Variants in SCFD1 observed in about 807,000 individuals in gnomAD.
SCFD1 encodes the protein sec1 family domain containing 1.
A neutral mutation model predicts 103.2 loss-of-function variants in SCFD1; 37 were observed. That is an observed-to-expected ratio of 0.36 (90% CI 0.28 to 0.47). The LOEUF is 0.47. SCFD1 is among the 20% of genes least tolerant of loss of function. The pLI, the probability that SCFD1 is intolerant of heterozygous loss-of-function variation, is 1.00. For missense variants in SCFD1, 639 were observed against 761.2 expected (o/e 0.84, Z 1.89); for synonymous variants, 264 against 245.0 (o/e 1.08, Z -0.73).
intron 1 of SCFD1, among the ~76,000 whole-genome samples, chr14:30,623,431 G>A (rs760020448): frequency 6.6e-6 from 1 of 152,176 alleles, no homozygotes; most frequent in East Asian, 1.9e-4. Context: ...ATACTGAGTT[G>A]CGTTCTGCTT....
chr14:30,706,904 G>A (rs1201551662), intron 18 of SCFD1, among the ~76,000 whole-genome samples: 2 of 152,170 alleles, frequency 1.3e-5, no homozygotes, highest in Non-Finnish European at 2.9e-5. Context: ...CTCACCTTCA[G>A]ACAGTGCTGC....
intron 15 of SCFD1, among the ~76,000 whole-genome samples, chr14:30,695,922 TTAATG>T (rs1215930637): frequency 2.6e-5 from 4 of 152,006 alleles, no homozygotes; most frequent in African/African-American, 7.2e-5. Flanking sequence ...AAAAAAAAAT[TTAATG>T]TAATCCAATT....
At chr14:30,628,071 C>A in intron 1 of SCFD1, 138 bp from the exon 2 acceptor site, 1 of 585,718 alleles carries the variant, frequency 1.7e-6, no homozygotes, top group Non-Finnish European at 3.0e-6. Flanking sequence ...ACCCCTAGTT[C>A]TACACATATA....
chr14:30,643,829 T>A, intron 7 of SCFD1: 1 of 415,266 alleles, frequency 2.4e-6, no homozygotes, highest in South Asian at 1.9e-5. Flanking sequence ...AATCTACCTA[T>A]ACCTTCAAAT....
intron 23 of SCFD1, among the ~76,000 whole-genome samples, chr14:30,731,166 T>G (rs1566671052): frequency 2.0e-5 from 3 of 152,162 alleles, no homozygotes; most frequent in Admixed American, 1.3e-4. Flanking sequence ...GTTGTAGATG[T>G]GTGGTATTAT....
At chr14:30,650,285 C>T (rs1886278212) in intron 8 of SCFD1, among the ~76,000 whole-genome samples, 1 of 152,090 alleles carries the variant, frequency 6.6e-6, no homozygotes, top group African/African-American at 2.4e-5. Context: ...TGCGTCATTA[C>T]TGCAAATCGT....
chr14:30,694,219 A>G (rs1436377543), intron 14 of SCFD1, among the ~76,000 whole-genome samples: 3 of 152,222 alleles, frequency 2.0e-5, no homozygotes, highest in African/African-American at 7.2e-5. Flanking sequence ...CCAGTAACTA[A>G]TTAATACAAT....
intron 16 of SCFD1, 73 bp downstream of exon 16, chr14:30,700,331 A>G (rs1489372252): frequency 2.3e-5 from 23 of 1,012,592 alleles, no homozygotes; most frequent in Non-Finnish European, 3.3e-5. Flanking sequence ...AGATTTTAAA[A>G]CAGAAGTAAA....
At chr14:30,632,118 T>C (rs538023638) in intron 3 of SCFD1, among the ~76,000 whole-genome samples, 185 of 151,672 alleles carry the variant, frequency 1.2e-3, no homozygotes, top group African/African-American at 4.3e-3. Flanking sequence ...CTAATACTTC[T>C]GTATACTAAA....
intron 19 of SCFD1, among the ~76,000 whole-genome samples, chr14:30,713,838 T>G (rs1327759030): frequency 3.3e-5 from 5 of 152,198 alleles, no homozygotes; most frequent in Non-Finnish European, 7.3e-5. Context: ...GTTCCAGAAT[T>G]TTTTAATTAT....
intron 22 of SCFD1, 82 bp downstream of exon 22, chr14:30,721,999 T>C: frequency 2.0e-6 from 2 of 988,632 alleles, no homozygotes; most frequent in African/African-American, 3.3e-5. Context: ...GTACCAAACA[T>C]GGCTTTATGA....
chr14:30,648,065 C>T (rs1886022656), intron 7 of SCFD1, among the ~76,000 whole-genome samples: 1 of 152,070 alleles, frequency 6.6e-6, no homozygotes, highest in Non-Finnish European at 1.5e-5. Context: ...TATATACTAT[C>T]GTATTTTTGT....
chr14:30,719,035 A>T (rs930537258), intron 20 of SCFD1, among the ~76,000 whole-genome samples: 19 of 152,310 alleles, frequency 1.2e-4, no homozygotes, highest in African/African-American at 4.1e-4. Context: ...TCCCATACTT[A>T]CTAATCATGT....
chr14:30,669,010 A>G (rs1459116925), intron 10 of SCFD1, among the ~76,000 whole-genome samples: 1 of 152,194 alleles, frequency 6.6e-6, no homozygotes, highest in African/African-American at 2.4e-5. Context: ...TTAAGGATCT[A>G]GAACTAGAAA....
chr14:30,641,905 C>T (rs1205277854), intron 6 of SCFD1, among the ~76,000 whole-genome samples: 3 of 152,130 alleles, frequency 2.0e-5, no homozygotes, highest in Admixed American at 6.5e-5. Flanking sequence ...ATAGTTTAGA[C>T]ACTAATCTTT....
At chr14:30,673,851 C>G (rs546846765) in intron 12 of SCFD1, 73 bp from the exon 13 acceptor site, 1 of 1,018,912 alleles carries the variant, frequency 9.8e-7, no homozygotes, top group Admixed American at 1.7e-5. Context: ...TTGCTCCAAT[C>G]TTAGGATGTG....
At chr14:30,625,089 T>A (rs28630651) in intron 1 of SCFD1, among the ~76,000 whole-genome samples, 7 of 152,160 alleles carry the variant, frequency 4.6e-5, no homozygotes, top group Non-Finnish European at 1.0e-4. Context: ...ACTTTTTTTT[T>A]ATTTTATTTT....
intron 16 of SCFD1, among the ~76,000 whole-genome samples, chr14:30,701,218 A>G (rs964444516): frequency 6.6e-6 from 1 of 152,154 alleles, no homozygotes; most frequent in Admixed American, 6.5e-5. Context: ...ACTAAACCTG[A>G]TATTTGCTCT....
At chr14:30,722,777 A>T (rs1892740869) in intron 23 of SCFD1, 1 of 332,640 alleles carries the variant, frequency 3.0e-6, no homozygotes, top group East Asian at 4.8e-5. Context: ...AATGTATCTT[A>T]TTGATATAAT....
Sources: allele counts gnomAD v4.1 joint callset (sites outside exome capture counted in the v4.1 genomes callset), GRCh38; gene constraint gnomAD v4.1.1; transcripts MANE v1.5; gene names NCBI Gene and HGNC (gene_info 2026-07-23, HGNC 2026-07-21).